PEX5L: variants seen among roughly 807,000 people sequenced by gnomAD.
The protein encoded by PEX5L is PEX5-related protein.
Under a neutral mutation model 84.0 loss-of-function variants are expected in PEX5L, and 30 were observed. That is an observed-to-expected ratio of 0.36 (90% CI 0.27 to 0.48). PEX5L has a LOEUF of 0.48. Among genes scored for constraint, PEX5L ranks in the 20% least tolerant of loss-of-function variants. The pLI, the probability that PEX5L is intolerant of heterozygous loss-of-function variation, is 0.99. For missense variants in PEX5L, 533 were observed against 754.6 expected, an observed-to-expected ratio of 0.71 and a Z score of 3.44; for synonymous variants, 270 against 283.1, an observed-to-expected ratio of 0.95 and a Z score of 0.46.
At chr3:180,036,547 G>T in intron 1 of PEX5L, 32 bp downstream of exon 1, 1 of 1,609,348 alleles carries the variant, frequency 6.2e-7, no homozygotes, top group Non-Finnish European at 8.5e-7. Context: ...TAGCCCCCAA[G>T]AATTCTCTCC....
intron 1 of PEX5L, among the ~76,000 whole-genome samples, chr3:180,032,202 C>T (rs1475569197): frequency 3.3e-5 from 5 of 152,160 alleles, no homozygotes; most frequent in African/African-American, 1.2e-4. Flanking sequence ...TAATTTTGAT[C>T]AACAGCTTAA....
At chr3:179,966,079 T>C (rs1017528175) in intron 2 of PEX5L, among the ~76,000 whole-genome samples, 1 of 152,200 alleles carries the variant, frequency 6.6e-6, no homozygotes, top group Non-Finnish European at 1.5e-5. Flanking sequence ...TCCAAATAAA[T>C]CTGGCTTCTT....
intron 2 of PEX5L, among the ~76,000 whole-genome samples, chr3:179,961,778 G>A (rs967683282): frequency 2.0e-5 from 3 of 152,078 alleles, no homozygotes; most frequent in Admixed American, 6.6e-5. Flanking sequence ...GACAATAGAC[G>A]CTGATTCAAT....
At chr3:179,932,219 C>T (rs1773308967) in intron 2 of PEX5L, among the ~76,000 whole-genome samples, 2 of 151,984 alleles carry the variant, frequency 1.3e-5, no homozygotes, top group African/African-American at 2.4e-5. Context: ...AAATAGGGTT[C>T]AAAACCTCAG....
intron 1 of PEX5L, among the ~76,000 whole-genome samples, chr3:179,990,914 T>C (rs2110370299): frequency 6.6e-6 from 1 of 152,352 alleles, no homozygotes; most frequent in South Asian, 2.1e-4. Context: ...TTGGCTAGTC[T>C]GCTTTGAAGC....
intron 1 of PEX5L, among the ~76,000 whole-genome samples, chr3:179,979,158 A>G (rs1335206333): frequency 6.6e-6 from 1 of 152,162 alleles, no homozygotes; most frequent in Non-Finnish European, 1.5e-5. Context: ...AATTTCAATT[A>G]TGTCAGATTC....
At chr3:180,024,371 T>TATATATATATATATATATATAC (rs1790721668) in intron 1 of PEX5L, among the ~76,000 whole-genome samples, 2 of 90,992 alleles carry the variant, frequency 2.2e-5, no homozygotes, top group Admixed American at 9.0e-5. Flanking sequence ...TATATATATA[T>TATATATATATATATATATATAC]ATACACACAC....
intron 8 of PEX5L, among the ~76,000 whole-genome samples, chr3:179,833,542 A>G (rs1466977950): frequency 6.6e-6 from 1 of 152,324 alleles, no homozygotes; most frequent in Admixed American, 6.5e-5. Flanking sequence ...AGCAGAACAG[A>G]GCCCTTCTGT....
chr3:179,974,004 T>G, intron 1 of PEX5L: 1 of 985,428 alleles, frequency 1.0e-6, no homozygotes. Context: ...ATAATGGTAT[T>G]CACTCACTTA....
rs1005364976 is a variant in PEX5L, at chr3:179,973,237, T to C, written c.22-1572A>G. 7.0e-6 allele frequency: 9 copies of C among 1,288,704 alleles called. No homozygotes were observed. In the African/African-American group the frequency reaches 1.1e-4, roughly 15 times the overall value. 79.8% of individuals were successfully genotyped at this position (1,288,704 alleles called of 1,614,324 possible). A position where few individuals can be genotyped will look rare whatever the true frequency, so the allele number is the denominator to read the frequency against. ...ATGGAATGTGGGTCCTTCCATCCAT[T>C]TCACTGTCAGACATCCCAGAATTCT... is the stretch of plus-strand genomic sequence containing the variant. On this transcript the variant is annotated intron_variant, in intron 1 of 14. Coordinates refer to ENST00000467460, the MANE Select transcript of PEX5L (RefSeq NM_016559.3).
intron 7 of PEX5L, among the ~76,000 whole-genome samples, chr3:179,863,972 T>C (rs1009653566): frequency 6.6e-6 from 1 of 152,062 alleles, no homozygotes; most frequent in Non-Finnish European, 1.5e-5. Flanking sequence ...ATAAGTCTCA[T>C]GGGATCTGAT....
chr3:179,957,057 T>C (rs1780766253), intron 2 of PEX5L, among the ~76,000 whole-genome samples: 1 of 152,070 alleles, frequency 6.6e-6, no homozygotes, highest in Non-Finnish European at 1.5e-5. Context: ...ACCACTAAAA[T>C]GACATTTATA....
chr3:179,850,611 C>T (rs956573758), intron 8 of PEX5L, among the ~76,000 whole-genome samples: 1 of 152,300 alleles, frequency 6.6e-6, no homozygotes, highest in Non-Finnish European at 1.5e-5. Context: ...ACTCACACAA[C>T]ATATGATTTA....
intron 3 of PEX5L, among the ~76,000 whole-genome samples, chr3:179,892,274 G>A (rs1757840518): frequency 6.6e-6 from 1 of 151,962 alleles, no homozygotes; most frequent in South Asian, 2.1e-4. Flanking sequence ...TTCTATAATG[G>A]TGACAGATTC....
intron 8 of PEX5L, among the ~76,000 whole-genome samples, chr3:179,836,551 C>T (rs145737098): frequency 1.5e-4 from 23 of 152,208 alleles, no homozygotes; most frequent in African/African-American, 5.1e-4. Flanking sequence ...CCCAAACAGG[C>T]CTCTTTTGGG....
intron 7 of PEX5L, among the ~76,000 whole-genome samples, chr3:179,866,815 G>A (rs1447810553): frequency 2.0e-5 from 3 of 151,718 alleles, no homozygotes; most frequent in African/African-American, 4.8e-5. Flanking sequence ...GCCCGAGCTC[G>A]GGAGTTTGAA....
chr3:180,016,378 T>C (rs2110488734), intron 1 of PEX5L, among the ~76,000 whole-genome samples: 1 of 152,338 alleles, frequency 6.6e-6, no homozygotes. Context: ...TATGTGAATG[T>C]TTAAAATCAT....
chr3:179,882,864 A>T (rs1754573452), intron 4 of PEX5L, among the ~76,000 whole-genome samples: 1 of 152,168 alleles, frequency 6.6e-6, no homozygotes, highest in Non-Finnish European at 1.5e-5. Flanking sequence ...AGGCAGGAGG[A>T]TCGCTCGAAG....
chr3:179,990,601 A>G (rs1237751684), intron 1 of PEX5L, among the ~76,000 whole-genome samples: 1 of 152,084 alleles, frequency 6.6e-6, no homozygotes, highest in Non-Finnish European at 1.5e-5. Flanking sequence ...TAAGGTCTCA[A>G]TATGTTTCCC....
Sources: gnomAD v4.1 joint callset for allele counts (sites outside exome capture counted in the v4.1 genomes callset) on GRCh38, gnomAD v4.1.1 for gene constraint, MANE v1.5 for transcripts, NCBI Gene and HGNC (gene_info 2026-07-23, HGNC 2026-07-21) for gene names.